SRD5A2: variants seen among roughly 807,000 people sequenced by gnomAD.
The protein encoded by SRD5A2 is 3-oxo-5-alpha-steroid 4-dehydrogenase 2.
SRD5A2 carries 30 observed loss-of-function variants against 27.4 expected under a neutral mutation model. That is an observed-to-expected ratio of 1.10 (90% CI 0.82 to 1.49). SRD5A2 has a LOEUF of 1.49. SRD5A2 is among the 40% of genes most tolerant of loss of function. The probability of loss-of-function intolerance (pLI) is 0.00; values close to 1 mark genes in which losing one functional copy is unlikely to be tolerated. For synonymous variants in SRD5A2, 141 were observed against 133.6 expected, an observed-to-expected ratio of 1.06 and a Z score of -0.38; for missense variants, 348 against 323.4, an observed-to-expected ratio of 1.08 and a Z score of -0.58.
chr2:31,549,575 T>C (rs1239734978), intron 1 of SRD5A2, among the ~76,000 whole-genome samples: 2 of 152,112 alleles, frequency 1.3e-5, no homozygotes, highest in Non-Finnish European at 1.5e-5. Flanking sequence ...AAAGTAAAAA[T>C]GAAGTAGAGT....
At position 31,523,383 on chromosome 2, in the gene SRD5A2, G is replaced by A. The variant is rs1367403313; in HGVS notation, c.*2813C>T. 3 of 214,460 alleles carry A rather than the reference G, an allele frequency of 1.4e-5. No individual in the cohort carries two copies. The East Asian group carries it at 2.1e-4, about 15-fold the overall frequency. The allele number at this position is 214,460 out of a possible 1,614,324, so 13.3% of individuals were successfully genotyped here. ...TAGAAATCCAGATGGCAGCCCTAAA[G>A]GCTGTGCCTTAAGCAGAAGAAGCAT... On this transcript the variant is annotated 3_prime_UTR_variant, in exon 5 of 5. Coordinates refer to ENST00000622030, the MANE Select transcript of SRD5A2 (RefSeq NM_000348.4).
intron 4 of SRD5A2, among the ~76,000 whole-genome samples, chr2:31,528,585 T>A (rs535060349): frequency 1.2e-3 from 187 of 152,106 alleles, no homozygotes; most frequent in African/African-American, 3.6e-3. Flanking sequence ...CTGGCCAACA[T>A]GGTGAAACTT....
In SRD5A2 at chr2:31,531,471, A is replaced by G; in HGVS notation, c.447T>C (p.Gly149=). 1.3e-6 allele frequency: 2 copies of G among 1,584,556 alleles called. No homozygotes were observed. Among genetic ancestry groups the G allele is most frequent in the Admixed American group, 1.8e-5 (1 of 56,074 alleles). The change falls in exon 3 of 5, where the codon GGT becomes GGC. Residue 149 remains glycine, a splice_region_variant and synonymous_variant. Coordinates refer to ENST00000622030, the MANE Select transcript of SRD5A2 (RefSeq NM_000348.4). The part of the protein sequence containing the change: ...GWYTDIRFSL[G]VFLFILGMGI... ...CCATTCCCAAAATAAATAAGAAGAC[A>G]CCTTGACAAAGAAGAGAGAAAGGAG...
chr2:31,659,957 T>C, the SRD5A2 span, among the ~76,000 whole-genome samples: 21 of 152,142 alleles, frequency 1.4e-4, no homozygotes, highest in Non-Finnish European at 2.8e-4. Flanking sequence ...TGTTAGTTTC[T>C]ACCTCTATTT....
chr2:31,627,555 A>C, the SRD5A2 span, among the ~76,000 whole-genome samples: 1 of 151,194 alleles, frequency 6.6e-6, no homozygotes. Context: ...TCTAGTTGTG[A>C]TGTTGGTTTG....
the SRD5A2 span, among the ~76,000 whole-genome samples, chr2:31,596,433 G>A: frequency 6.7e-6 from 1 of 149,736 alleles, no homozygotes; most frequent in Non-Finnish European, 1.5e-5. Context: ...ACTGGAACAG[G>A]ACAAAGATGC....
At chr2:31,631,799 G>C in the SRD5A2 span, among the ~76,000 whole-genome samples, 50,062 of 152,010 alleles carry the variant, frequency 0.33, 8,368 homozygotes, top group East Asian at 0.37. Flanking sequence ...ACAGAGGAAA[G>C]AGAACAACTC....
chr2:31,618,777 C>T, the SRD5A2 span, among the ~76,000 whole-genome samples: 1 of 152,132 alleles, frequency 6.6e-6, no homozygotes, highest in East Asian at 1.9e-4. Flanking sequence ...TGCATAGTGA[C>T]CACAGTTAGT....
the SRD5A2 span, among the ~76,000 whole-genome samples, chr2:31,656,650 G>A: frequency 2.0e-5 from 3 of 152,120 alleles, no homozygotes; most frequent in African/African-American, 7.2e-5. Flanking sequence ...ACAGTAACAA[G>A]GCAACATCTT....
At chr2:31,653,978 G>A in the SRD5A2 span, among the ~76,000 whole-genome samples, 8 of 151,988 alleles carry the variant, frequency 5.3e-5, no homozygotes, top group East Asian at 1.5e-3. Flanking sequence ...AACACAACTA[G>A]GAGACAGATA....
chr2:31,607,713 C>T, the SRD5A2 span, among the ~76,000 whole-genome samples: 2,729 of 152,044 alleles, frequency 0.018, 55 homozygotes, highest in African/African-American at 0.038. Context: ...TTGACATCTG[C>T]GTAAATGCAA....
the SRD5A2 span, among the ~76,000 whole-genome samples, chr2:31,637,854 G>T: frequency 6.6e-6 from 1 of 151,532 alleles, no homozygotes; most frequent in Non-Finnish European, 1.5e-5. Context: ...TCTAGCTAAG[G>T]GTTTGTTAAT....
chr2:31,593,833 T>A, the SRD5A2 span, among the ~76,000 whole-genome samples: 1 of 152,178 alleles, frequency 6.6e-6, no homozygotes, highest in Non-Finnish European at 1.5e-5. Context: ...CCTGTCAGAT[T>A]AACAGCAGAT....
At chr2:31,542,567 T>C (rs895403961) in intron 1 of SRD5A2, among the ~76,000 whole-genome samples, 3 of 152,040 alleles carry the variant, frequency 2.0e-5, no homozygotes, top group African/African-American at 7.2e-5. Context: ...GAAAACAATG[T>C]ATAAAACAAA....
chr2:31,655,293 G>A, the SRD5A2 span, among the ~76,000 whole-genome samples: 1 of 152,076 alleles, frequency 6.6e-6, no homozygotes, highest in South Asian at 2.1e-4. Context: ...GAGAGACGGG[G>A]TTTCACCATG....
At chr2:31,536,202 A>T (rs940038810) in intron 1 of SRD5A2, among the ~76,000 whole-genome samples, 15 of 152,366 alleles carry the variant, frequency 9.8e-5, no homozygotes, top group South Asian at 2.1e-4. Context: ...GGTATTTTTT[A>T]AAAAGTTGTA....
the SRD5A2 span, among the ~76,000 whole-genome samples, chr2:31,634,724 A>G: frequency 1.3e-5 from 2 of 151,632 alleles, no homozygotes; most frequent in Non-Finnish European, 2.9e-5. Context: ...CCATCAGTCT[A>G]CTCTCTATCT....
chr2:31,596,490 G>A, the SRD5A2 span, among the ~76,000 whole-genome samples: 1 of 151,572 alleles, frequency 6.6e-6, no homozygotes. Context: ...GTCTTAGCCA[G>A]AGCAATCAAA....
the SRD5A2 span, among the ~76,000 whole-genome samples, chr2:31,604,317 T>C: frequency 1.3e-5 from 2 of 151,728 alleles, no homozygotes; most frequent in African/African-American, 4.8e-5. Context: ...ATACAGGGCC[T>C]CCAAATTGAA....
Sources: gnomAD v4.1 joint callset for allele counts (sites outside exome capture counted in the v4.1 genomes callset) on GRCh38, gnomAD v4.1.1 for gene constraint, MANE v1.5 for transcripts, NCBI Gene and HGNC (gene_info 2026-07-23, HGNC 2026-07-21) for gene names.